TMOD2: variants seen among roughly 807,000 people sequenced by gnomAD.
The protein encoded by TMOD2 is tropomodulin 2.
Under a neutral mutation model 39.9 loss-of-function variants are expected in TMOD2, and 22 were observed. The observed-to-expected ratio is 0.55, with a 90% confidence interval of 0.39 to 0.79. TMOD2 has a LOEUF of 0.79. Among genes scored for constraint, TMOD2 ranks in the 30% least tolerant of loss-of-function variants. The pLI is 0.00. For missense variants in TMOD2, 386 were observed against 413.3 expected, an observed-to-expected ratio of 0.93 and a Z score of 0.57; for synonymous variants, 123 against 146.1, an observed-to-expected ratio of 0.84 and a Z score of 1.14.
chr15:51,761,686 A>T (rs974131505), intron 1 of TMOD2, among the ~76,000 whole-genome samples: 3 of 151,864 alleles, frequency 2.0e-5, no homozygotes, highest in Non-Finnish European at 2.9e-5. Flanking sequence ...GTTAGCTATG[A>T]TCAAGCCAGC....
At chr15:51,790,059 A>G (rs756215042) in intron 7 of TMOD2, among the ~76,000 whole-genome samples, 4 of 152,202 alleles carry the variant, frequency 2.6e-5, no homozygotes, top group Non-Finnish European at 4.4e-5. Flanking sequence ...CAAAAAATCA[A>G]TGAATCCAGG....
chr15:51,788,967 C>T (rs1595873485), intron 7 of TMOD2, among the ~76,000 whole-genome samples: 1 of 152,192 alleles, frequency 6.6e-6, no homozygotes, highest in South Asian at 2.1e-4. Context: ...AGCAAAATAA[C>T]CAGCTAGCAT....
At chr15:51,798,163 T>C in intron 7 of TMOD2, 34 bp from the exon 8 acceptor site, 2 of 1,557,098 alleles carry the variant, frequency 1.3e-6, no homozygotes, top group Non-Finnish European at 1.7e-6. Context: ...AATTCTAACT[T>C]AATTCTAAGT....
chr15:51,770,116 C>T (rs778678033), intron 3 of TMOD2, among the ~76,000 whole-genome samples: 10 of 152,176 alleles, frequency 6.6e-5, no homozygotes, highest in Non-Finnish European at 1.5e-4. Flanking sequence ...GTAGATATAG[C>T]CTCCATCCAG....
rs2055927414 is a variant in TMOD2, at chr15:51,781,190, T to G, written c.624+16T>G. 2 of 1,585,356 alleles carry G rather than the reference T, an allele frequency of 1.3e-6. No homozygotes were observed. Among genetic ancestry groups the G allele is most frequent in the Non-Finnish European group, 1.7e-6 (2 of 1,170,468 alleles). ...CAACATTAAGGTATTTCATTGTGAT[T>G]ATCATCAGTCAGTTAATTTATCATG... On this transcript the variant is annotated intron_variant, in intron 6 of 9. Coordinates refer to ENST00000249700, the MANE Select transcript of TMOD2 (RefSeq NM_014548.4).
chr15:51,801,283 A>ACACACG (rs1484824575), intron 8 of TMOD2, among the ~76,000 whole-genome samples: 3 of 125,956 alleles, frequency 2.4e-5, no homozygotes, highest in South Asian at 5.0e-4. Flanking sequence ...ACACACACAC[A>ACACACG]CCCTGTCTCT....
At chr15:51,783,081 T>A (rs2055942615) in intron 7 of TMOD2, 1 of 462,234 alleles carries the variant, frequency 2.2e-6, no homozygotes, top group South Asian at 2.2e-5. Flanking sequence ...TTTAACTAAC[T>A]GAATATTTAG....
At chr15:51,793,900 G>C (rs867806233) in intron 7 of TMOD2, among the ~76,000 whole-genome samples, 2 of 152,324 alleles carry the variant, frequency 1.3e-5, no homozygotes, top group African/African-American at 4.8e-5. Flanking sequence ...CTGATGATCA[G>C]ATTAAAATGT....
intron 7 of TMOD2, chr15:51,784,335 C>G (rs1221404730): frequency 6.6e-6 from 1 of 152,200 alleles, no homozygotes; most frequent in Non-Finnish European, 1.5e-5. Context: ...CGCAAGTTGT[C>G]TGGACTTGAT....
chr15:51,752,127 C>T (rs765264889), intron 1 of TMOD2, among the ~76,000 whole-genome samples: 9 of 152,114 alleles, frequency 5.9e-5, no homozygotes, highest in Admixed American at 4.6e-4. Context: ...CGGTATGCAT[C>T]TCCCTGCCTC....
At chr15:51,799,523 A>C (rs2056074685) in intron 8 of TMOD2, among the ~76,000 whole-genome samples, 1 of 59,746 alleles carries the variant, frequency 1.7e-5, no homozygotes, top group Admixed American at 2.0e-4. Flanking sequence ...GGGAACACAG[A>C]AAGCCCACTA....
chr15:51,758,850 A>G (rs534996386), intron 1 of TMOD2, among the ~76,000 whole-genome samples: 3 of 152,316 alleles, frequency 2.0e-5, no homozygotes, highest in African/African-American at 4.8e-5. Context: ...TGTTCTGAGC[A>G]GAGAGAACAA....
chr15:51,769,772 C>A (rs187127008), intron 3 of TMOD2, among the ~76,000 whole-genome samples: 1 of 152,268 alleles, frequency 6.6e-6, no homozygotes, highest in East Asian at 1.9e-4. Context: ...CAGTGGCTCA[C>A]ACCTGTAATT....
chr15:51,807,391 T>C (rs1238362560), intron 9 of TMOD2, among the ~76,000 whole-genome samples: 1 of 152,156 alleles, frequency 6.6e-6, no homozygotes, highest in Non-Finnish European at 1.5e-5. Context: ...CAATTCCTTG[T>C]CCAGACAGGC....
At chr15:51,773,926 A>C in intron 4 of TMOD2, 92 bp downstream of exon 4, 1 of 1,407,320 alleles carries the variant, frequency 7.1e-7, no homozygotes. Flanking sequence ...AGCTTCTCTT[A>C]GGTAGGAGAA....
intron 7 of TMOD2, among the ~76,000 whole-genome samples, chr15:51,792,220 C>A (rs112050094): frequency 0.034 from 5,119 of 152,304 alleles, 138 homozygotes; most frequent in Non-Finnish European, 0.051. Flanking sequence ...ATAGACACTT[C>A]TCAAAAGAAG....
intron 2 of TMOD2, 31 bp from the exon 3 acceptor site, chr15:51,768,231 T>A: frequency 6.2e-7 from 1 of 1,613,714 alleles, no homozygotes; most frequent in Non-Finnish European, 8.5e-7. Flanking sequence ...GGCAGACATC[T>A]TCCTTCCTGC....
intron 5 of TMOD2, among the ~76,000 whole-genome samples, chr15:51,778,984 G>C (rs530969733): frequency 1.3e-5 from 2 of 149,484 alleles, no homozygotes; most frequent in South Asian, 2.1e-4. Context: ...TGAGATAGAG[G>C]CTTGCTCTGT....
chr15:51,801,029 GA>G (rs1352947147), intron 8 of TMOD2, among the ~76,000 whole-genome samples: 1 of 152,030 alleles, frequency 6.6e-6, no homozygotes, highest in Non-Finnish European at 1.5e-5. Context: ...ATTTGTATAC[GA>G]CAAGGAGGAT....
Sources: allele counts gnomAD v4.1 joint callset (sites outside exome capture counted in the v4.1 genomes callset), GRCh38; gene constraint gnomAD v4.1.1; transcripts MANE v1.5; gene names NCBI Gene and HGNC (gene_info 2026-07-23, HGNC 2026-07-21).